The following TEX36 variants were observed in gnomAD, a reference collection of about 807,000 sequenced individuals.
TEX36 encodes the protein testis-expressed protein 36.
Under a neutral mutation model 13.6 loss-of-function variants are expected in TEX36, and 12 were observed. That is an observed-to-expected ratio of 0.88 (90% CI 0.56 to 1.43). TEX36 has a LOEUF of 1.43. Ranked by LOEUF, TEX36 falls within the 40% of genes most tolerant of loss-of-function variation. The pLI is 0.00. For missense variants in TEX36, 224 were observed against 228.3 expected (o/e 0.98, Z 0.12); for synonymous variants, 93 against 83.0 (o/e 1.12, Z -0.65).
At chr10:125,594,153 T>A (rs751202403) in intron 3 of TEX36, among the ~76,000 whole-genome samples, 1 of 152,210 alleles carries the variant, frequency 6.6e-6, no homozygotes, top group Non-Finnish European at 1.5e-5. Flanking sequence ...GGACCCCACC[T>A]TACTTTAGCC....
chr10:125,676,081 A>G (rs775430998), intron 1 of TEX36, among the ~76,000 whole-genome samples: 1 of 152,188 alleles, frequency 6.6e-6, no homozygotes, highest in African/African-American at 2.4e-5. Flanking sequence ...AAAAGAATGT[A>G]TATTCTCCAG....
At chr10:125,638,024 C>T (rs1846640946) in intron 3 of TEX36, among the ~76,000 whole-genome samples, 1 of 152,002 alleles carries the variant, frequency 6.6e-6, no homozygotes, top group South Asian at 2.1e-4. Flanking sequence ...TGGGTTTCAT[C>T]TCAGGTGCCT....
downstream of TEX36, among the ~76,000 whole-genome samples, chr10:125,619,938 CATT>C (rs1846409269): frequency 1.3e-5 from 2 of 151,930 alleles, no homozygotes; most frequent in South Asian, 4.2e-4. Context: ...GTGCATGTAT[CATT>C]GTAAAAATTT....
intron 3 of TEX36, among the ~76,000 whole-genome samples, chr10:125,622,742 T>C (rs1488186583): frequency 6.6e-6 from 1 of 152,230 alleles, no homozygotes; most frequent in Non-Finnish European, 1.5e-5. Context: ...ACACATACTC[T>C]TCCTTACCTT....
intron 3 of TEX36, chr10:125,576,974 C>A (rs1264473541): frequency 1.8e-5 from 26 of 1,461,888 alleles, no homozygotes; most frequent in Middle Eastern, 2.0e-4. Flanking sequence ...TCTCCCTGCC[C>A]AAGCTTTAAA....
intron 1 of TEX36, among the ~76,000 whole-genome samples, chr10:125,675,595 G>T (rs1847299051): frequency 6.6e-6 from 1 of 152,188 alleles, no homozygotes; most frequent in Non-Finnish European, 1.5e-5. Flanking sequence ...GGTTTCCAGG[G>T]CAGGGCAAGA....
At chr10:125,580,915 AG>A (rs1300624470) in intron 3 of TEX36, among the ~76,000 whole-genome samples, 1 of 152,196 alleles carries the variant, frequency 6.6e-6, no homozygotes, top group Non-Finnish European at 1.5e-5. Context: ...ATAATCTCTA[AG>A]GACCTCAACC....
intron 3 of TEX36, among the ~76,000 whole-genome samples, chr10:125,612,171 C>T (rs78901762): frequency 0.037 from 5,546 of 150,940 alleles, 213 homozygotes; most frequent in South Asian, 0.16. Flanking sequence ...GCAACCTCCA[C>T]CACCTGGGTC....
intron 3 of TEX36, among the ~76,000 whole-genome samples, chr10:125,645,351 G>A (rs1031236317): frequency 7.2e-5 from 11 of 152,124 alleles, no homozygotes; most frequent in Admixed American, 2.6e-4. Context: ...TAATCCATTC[G>A]TGGATTCATG....
intron 3 of TEX36, among the ~76,000 whole-genome samples, chr10:125,634,439 T>C (rs530161836): frequency 2.0e-4 from 31 of 152,278 alleles, no homozygotes; most frequent in African/African-American, 7.2e-4. Flanking sequence ...GGGGAGCAGT[T>C]TTTGCTTTGG....
intron 3 of TEX36, among the ~76,000 whole-genome samples, chr10:125,628,286 G>A (rs1378905308): frequency 6.6e-6 from 1 of 152,192 alleles, no homozygotes; most frequent in Non-Finnish European, 1.5e-5. Flanking sequence ...AGCAGCGCAT[G>A]TTCTGTCGAA....
intron 3 of TEX36, 38 bp downstream of exon 3, chr10:125,660,983 T>G: frequency 1.3e-6 from 2 of 1,503,750 alleles, no homozygotes; most frequent in Non-Finnish European, 1.8e-6. Flanking sequence ...CCTTGTGTTG[T>G]TCCCTGTTTT....
chr10:125,665,076 GGTTGTTGTT>G (rs144778574), intron 1 of TEX36, among the ~76,000 whole-genome samples: 1 of 151,710 alleles, frequency 6.6e-6, no homozygotes, highest in African/African-American at 2.4e-5. Flanking sequence ...TTGGTTTTTT[GGTTGTTGTT>G]GTTGTTGTTG....
intron 1 of TEX36, among the ~76,000 whole-genome samples, chr10:125,666,075 G>T (rs1006012710): frequency 9.2e-5 from 14 of 152,090 alleles, no homozygotes; most frequent in African/African-American, 3.1e-4. Flanking sequence ...ATATTTATCA[G>T]ATCTAAGTGG....
At chr10:125,622,524 T>C (rs770833377) in intron 3 of TEX36, among the ~76,000 whole-genome samples, 1 of 152,210 alleles carries the variant, frequency 6.6e-6, no homozygotes, top group African/African-American at 2.4e-5. Flanking sequence ...TGGCTGATCA[T>C]GATTTTTCAC....
At chr10:125,679,140 C>T (rs1390210980) in intron 1 of TEX36, among the ~76,000 whole-genome samples, 1 of 134,566 alleles carries the variant, frequency 7.4e-6, no homozygotes, top group East Asian at 2.5e-4. Context: ...ACAGGAGCAC[C>T]CCCCCCGCCC....
chr10:125,588,103 A>C (rs1375018955), intron 3 of TEX36, among the ~76,000 whole-genome samples: 1 of 152,230 alleles, frequency 6.6e-6, no homozygotes, highest in African/African-American at 2.4e-5. Context: ...ATATCACTTC[A>C]TGCACATGTG....
chr10:125,585,375 C>A (rs1845932245), intron 3 of TEX36, among the ~76,000 whole-genome samples: 1 of 152,166 alleles, frequency 6.6e-6, no homozygotes, highest in Non-Finnish European at 1.5e-5. Flanking sequence ...CAAAGTATGG[C>A]ACGTTGGTGT....
chr10:125,656,249 C>CTTTTT (rs66461124), intron 3 of TEX36, 53 bp from the exon 4 acceptor site: 59 of 262,610 alleles, frequency 2.2e-4, no homozygotes, highest in South Asian at 3.6e-4. Flanking sequence ...TCACATAGTT[C>CTTTTT]TTTTTTTTTT....
Sources: gnomAD v4.1 joint callset for allele counts (sites outside exome capture counted in the v4.1 genomes callset) on GRCh38, gnomAD v4.1.1 for gene constraint, MANE v1.5 for transcripts, NCBI Gene and HGNC (gene_info 2026-07-23, HGNC 2026-07-21) for gene names.